Variants in OPN5 observed in about 807,000 individuals in gnomAD.
OPN5 encodes the protein opsin 5.
In OPN5, 18 loss-of-function variants were observed where a neutral mutation model predicts 41.7. The observed-to-expected ratio is 0.43, with a 90% CI of 0.30 to 0.64. The LOEUF is 0.64. OPN5 is among the 30% of genes least tolerant of loss of function. OPN5 has a pLI of 0.13. For missense variants in OPN5, 318 were observed against 434.5 expected, an observed-to-expected ratio of 0.73 and a Z score of 2.38; for synonymous variants, 178 against 164.3, an observed-to-expected ratio of 1.08 and a Z score of -0.64.
At chr6:47,815,130 T>C (rs971350318) in intron 6 of OPN5, among the ~76,000 whole-genome samples, 3 of 152,146 alleles carry the variant, frequency 2.0e-5, no homozygotes, top group African/African-American at 7.2e-5. Flanking sequence ...TCTAAATATA[T>C]TTTAAGTTTT....
chr6:47,801,992 A>G (rs1224870258), intron 4 of OPN5, among the ~76,000 whole-genome samples: 1 of 152,220 alleles, frequency 6.6e-6, no homozygotes, highest in East Asian at 1.9e-4. Flanking sequence ...GGTGTTACAT[A>G]GTCAATGTGT....
At chr6:47,813,110 C>CAAAAAAAAAAA (rs1189106345) in intron 6 of OPN5, among the ~76,000 whole-genome samples, 3 of 114,342 alleles carry the variant, frequency 2.6e-5, no homozygotes, top group African/African-American at 8.7e-5. Flanking sequence ...ACAACAACAA[C>CAAAAAAAAAAA]AACAAGCAAC....
At chr6:47,794,291 A>G (rs1773475426) in intron 3 of OPN5, among the ~76,000 whole-genome samples, 1 of 152,180 alleles carries the variant, frequency 6.6e-6, no homozygotes. Flanking sequence ...ATATATTTTG[A>G]TATTTCTTCT....
intron 4 of OPN5, among the ~76,000 whole-genome samples, chr6:47,799,613 CG>C (rs1056717302): frequency 2.0e-5 from 3 of 152,302 alleles, no homozygotes; most frequent in African/African-American, 7.2e-5. Context: ...CCCACCCTTC[CG>C]CTGCAACCCT....
At chr6:47,823,027 C>G (rs2114019272) in intron 6 of OPN5, among the ~76,000 whole-genome samples, 1 of 152,306 alleles carries the variant, frequency 6.6e-6, no homozygotes, top group Middle Eastern at 3.4e-3. Context: ...CTGCTGTGAT[C>G]TCAGCAAAGC....
chr6:47,823,030 A>G (rs1762681580), intron 6 of OPN5, among the ~76,000 whole-genome samples: 1 of 152,190 alleles, frequency 6.6e-6, no homozygotes, highest in Admixed American at 6.5e-5. Flanking sequence ...CTGTGATCTC[A>G]GCAAAGCCCC....
At chr6:47,792,186 G>A (rs1211824600) in intron 3 of OPN5, among the ~76,000 whole-genome samples, 5 of 152,168 alleles carry the variant, frequency 3.3e-5, no homozygotes, top group African/African-American at 9.7e-5. Context: ...TTATAGTAAT[G>A]TCTGGTGTTT....
intron 4 of OPN5, among the ~76,000 whole-genome samples, chr6:47,800,526 G>T (rs1773729559): frequency 1.3e-5 from 2 of 152,208 alleles, no homozygotes; most frequent in South Asian, 4.1e-4. Flanking sequence ...TTATTTGCAG[G>T]AGTAATTGGG....
At chr6:47,799,020 G>C (rs925219456) in intron 4 of OPN5, among the ~76,000 whole-genome samples, 2 of 152,068 alleles carry the variant, frequency 1.3e-5, no homozygotes, top group Non-Finnish European at 2.9e-5. Flanking sequence ...TTTCTAGCTG[G>C]GTTATGACTG....
intron 4 of OPN5, among the ~76,000 whole-genome samples, chr6:47,806,697 A>C (rs1244182591): frequency 6.6e-6 from 1 of 152,066 alleles, no homozygotes; most frequent in Non-Finnish European, 1.5e-5. Flanking sequence ...GCCATACAAA[A>C]CCCTGAATCT....
At chr6:47,783,246 ATTG>A (rs1256076804) in intron 1 of OPN5, among the ~76,000 whole-genome samples, 4 of 152,086 alleles carry the variant, frequency 2.6e-5, no homozygotes, top group African/African-American at 9.7e-5. Context: ...TAAATTTAAA[ATTG>A]TTGTTTTAAC....
chr6:47,786,179 T>C (rs1773185022), intron 1 of OPN5, among the ~76,000 whole-genome samples: 2 of 152,160 alleles, frequency 1.3e-5, no homozygotes, highest in Admixed American at 1.3e-4. Flanking sequence ...ATAAAGCCAA[T>C]AATCTATAAA....
intron 4 of OPN5, among the ~76,000 whole-genome samples, chr6:47,798,305 A>T (rs1773642793): frequency 6.6e-6 from 1 of 151,980 alleles, no homozygotes; most frequent in Admixed American, 6.6e-5. Flanking sequence ...GTCAATGTTT[A>T]GACCAGTCAG....
intron 1 of OPN5, among the ~76,000 whole-genome samples, chr6:47,784,422 G>T (rs558541870): frequency 6.6e-6 from 1 of 152,056 alleles, no homozygotes; most frequent in Admixed American, 6.6e-5. Context: ...TCAACCTCCT[G>T]AGTAGCTGGG....
chr6:47,782,036 C>A, upstream of OPN5: 1 of 1,604,772 alleles, frequency 6.2e-7, no homozygotes, highest in Non-Finnish European at 8.5e-7. Flanking sequence ...TACTGGTTTG[C>A]TTTTCAGATC....
chr6:47,815,858 G>A (rs1200166863), intron 6 of OPN5, among the ~76,000 whole-genome samples: 9 of 152,082 alleles, frequency 5.9e-5, no homozygotes, highest in Non-Finnish European at 8.8e-5. Context: ...CAGGTTATGG[G>A]ACTGCATGGG....
chr6:47,818,513 T>C (rs2114007815), intron 6 of OPN5, among the ~76,000 whole-genome samples: 1 of 152,272 alleles, frequency 6.6e-6, no homozygotes, highest in East Asian at 1.9e-4. Context: ...TTGCAGAAAC[T>C]CACTGCCAGT....
At chr6:47,786,225 G>A (rs565516350) in intron 1 of OPN5, among the ~76,000 whole-genome samples, 1 of 152,288 alleles carries the variant, frequency 6.6e-6, no homozygotes, top group Non-Finnish European at 1.5e-5. Flanking sequence ...TGGGGGCCAG[G>A]ACAAGAACTG....
At chr6:47,808,256 C>G (rs1774052419) in exon 5 of OPN5, 1 of 1,614,048 alleles carries the variant, frequency 6.2e-7, no homozygotes, top group African/African-American at 1.3e-5. Context: ...TCCCATACAG[C>G]TCTCTGTGGT....
Sources: gnomAD v4.1 joint callset for allele counts (sites outside exome capture counted in the v4.1 genomes callset) on GRCh38, gnomAD v4.1.1 for gene constraint, MANE v1.5 for transcripts, NCBI Gene and HGNC (gene_info 2026-07-23, HGNC 2026-07-21) for gene names.